The following CLVS2 variants were observed in gnomAD, a reference collection of about 807,000 sequenced individuals.
CLVS2 encodes the protein clavesin-2.
A neutral mutation model predicts 29.0 loss-of-function variants in CLVS2; 19 were observed. That is an observed-to-expected ratio of 0.66 (90% CI 0.46 to 0.96). The LOEUF (loss-of-function observed/expected upper bound fraction) is 0.96, where lower values mean the gene tolerates loss of function less well. Ranked by LOEUF, CLVS2 falls within the 40% of genes least tolerant of loss-of-function variation. CLVS2 has a pLI of 0.00. For missense variants in CLVS2, 294 were observed against 404.1 expected (o/e 0.73, Z 2.34); for synonymous variants, 161 against 151.3 (o/e 1.06, Z -0.47).
rs535537789 is a variant in CLVS2 at position 123,036,574 on chromosome 6, C to A, written c.565-12048C>A. On this transcript the variant is annotated intron_variant, in intron 3 of 5. Coordinates refer to ENST00000275162, the MANE Select transcript of CLVS2 (RefSeq NM_001010852.4). Reference sequence around the variant, plus strand: ...TTCTTGTTGTGTTAAATAAAACTAACAGGTAAGAGGAAGTAGATCCTCTTA... The same window carrying A: ...TTCTTGTTGTGTTAAATAAAACTAAAAGGTAAGAGGAAGTAGATCCTCTTA... Among the ~76,000 whole-genome samples, 68 of 152,228 alleles carry A rather than the reference C, an allele frequency of 4.5e-4. 1 individual carries two copies. The highest frequency in any genetic ancestry group is 4.4e-3 in the Admixed American group (67 of 15,270).
chr6:123,050,507 G>A (rs527863516), intron 4 of CLVS2, among the ~76,000 whole-genome samples: 14 of 152,182 alleles, frequency 9.2e-5, no homozygotes, highest in Non-Finnish European at 1.6e-4. Context: ...AGCCGGATAC[G>A]TGAATTTATG....
intron 3 of CLVS2, among the ~76,000 whole-genome samples, chr6:123,021,586 T>C (rs2114321690): frequency 6.6e-6 from 1 of 152,186 alleles, no homozygotes; most frequent in East Asian, 1.9e-4. Flanking sequence ...ACCATTGTAT[T>C]ATAGGTTTAT....
chr6:122,997,689 G>C lies in CLVS2; in HGVS notation c.-89G>C, dbSNP rs1774531042. On this transcript the variant is annotated 5_prime_UTR_variant, in exon 2 of 6. Coordinates refer to ENST00000275162, the MANE Select transcript of CLVS2 (RefSeq NM_001010852.4). The stretch of plus-strand genomic sequence containing the variant: ...AGGAAGCAGGCAGCAGGAGGTCTGG[G>C]GGCTGGAGTCTGGTGGTGGCAAGGA... The C allele has an allele frequency of 7.5e-7, 1 of 1,325,538 alleles. No homozygotes were observed. The allele number at this position is 1,325,538 out of a possible 1,614,324, so 82.1% of individuals were successfully genotyped here.
intron 3 of CLVS2, among the ~76,000 whole-genome samples, chr6:123,028,665 A>G (rs183036828): frequency 5.3e-5 from 8 of 152,290 alleles, no homozygotes; most frequent in Admixed American, 2.0e-4. Context: ...CCACTCTACT[A>G]AATGCAGTGT....
At chr6:123,000,324 A>C (rs1301147063) in intron 2 of CLVS2, among the ~76,000 whole-genome samples, 1 of 152,156 alleles carries the variant, frequency 6.6e-6, no homozygotes, top group Non-Finnish European at 1.5e-5. Context: ...AAAAAATAAT[A>C]ATTCCCTCTT....
intron 3 of CLVS2, among the ~76,000 whole-genome samples, 177 bp downstream of exon 3, chr6:123,011,336 G>A (rs1306024992): frequency 6.6e-6 from 1 of 151,988 alleles, no homozygotes; most frequent in African/African-American, 2.4e-5. Flanking sequence ...AAACGCTGAA[G>A]GAAGAGAGTT....
At chr6:123,040,823 A>G (rs1361347744) in intron 3 of CLVS2, among the ~76,000 whole-genome samples, 3 of 144,812 alleles carry the variant, frequency 2.1e-5, no homozygotes, top group Non-Finnish European at 3.0e-5. Context: ...ATTACAAGTG[A>G]TAATTAAGTG....
chr6:123,054,551 CTT>C (rs1772662411), intron 4 of CLVS2, among the ~76,000 whole-genome samples: 1 of 152,192 alleles, frequency 6.6e-6, no homozygotes, highest in African/African-American at 2.4e-5. Flanking sequence ...GTAGAGTAAT[CTT>C]TCTTTGTTTC....
rs1772914080 is a variant in CLVS2, at chr6:123,069,757, T to C, written c.*5996T>C. ...GGAGGATCGAGTAGAAAATATTTTC[T>C]ACTCGAAGAGGCCATGGGGAAGTGA... On this transcript the variant is annotated 3_prime_UTR_variant, in exon 6 of 6. Transcript: ENST00000275162. The C allele has an allele frequency of 6.6e-6, 1 of 151,836 alleles. No homozygotes were observed. Among genetic ancestry groups the C allele is most frequent in the Admixed American group, 6.6e-5 (1 of 15,204 alleles). The allele number at this position is 151,836 out of a possible 1,614,324, so 9.4% of individuals were successfully genotyped here.
chr6:123,011,099 T>A lies in CLVS2; in HGVS notation c.504T>A (p.Thr168=). Residue 168 remains threonine, a synonymous_variant, in exon 3 of 6, where the codon ACT becomes ACA. Transcript: ENST00000275162. ...FVLIIDWSNF[T]FKQASKLTPS... Reference sequence around the variant, plus strand: ...TGATCATAGACTGGAGTAACTTCACTTTCAAGCAAGCCTCTAAACTCACAC... The same window carrying A: ...TGATCATAGACTGGAGTAACTTCACATTCAAGCAAGCCTCTAAACTCACAC... 1 of 1,611,824 alleles carries A rather than the reference T, an allele frequency of 6.2e-7. No individual in the cohort carries two copies. Among genetic ancestry groups the A allele is most frequent in the South Asian group, 1.1e-5 (1 of 90,836 alleles).
chr6:123,025,939 T>C (rs940383372), intron 3 of CLVS2, among the ~76,000 whole-genome samples: 2 of 152,134 alleles, frequency 1.3e-5, no homozygotes, highest in South Asian at 4.1e-4. Flanking sequence ...ATCTGTTACC[T>C]AGGAAATGCC....
At chr6:123,038,415 G>A (rs1775184239) in intron 3 of CLVS2, among the ~76,000 whole-genome samples, 2 of 151,968 alleles carry the variant, frequency 1.3e-5, no homozygotes, top group Non-Finnish European at 2.9e-5. Context: ...TTTAATTAAT[G>A]CTTACAGTGC....
chr6:123,046,616 G>A (rs1011499974), intron 3 of CLVS2, among the ~76,000 whole-genome samples: 2 of 150,754 alleles, frequency 1.3e-5, no homozygotes, highest in African/African-American at 4.9e-5. Flanking sequence ...CCGAGATTGC[G>A]CCACTGCACT....
chr6:123,005,130 C>T (rs4243496), intron 2 of CLVS2, among the ~76,000 whole-genome samples: 110,606 of 151,416 alleles, frequency 0.73, 40,847 homozygotes, highest in East Asian at 0.91. Context: ...ACCCTCTGTC[C>T]TCATCTGTAA....
intron 4 of CLVS2, 103 bp from the exon 5 acceptor site, chr6:123,055,703 A>T (rs971058064): frequency 1.9e-5 from 15 of 795,080 alleles, no homozygotes; most frequent in Non-Finnish European, 2.8e-5. Context: ...GACATGCGAA[A>T]CTCATATTTG....
intron 4 of CLVS2, among the ~76,000 whole-genome samples, chr6:123,054,219 ATAACT>A (rs554968972): frequency 7.0e-4 from 106 of 152,372 alleles, no homozygotes; most frequent in African/African-American, 2.5e-3. Context: ...TGCATGTGCC[ATAACT>A]TAACTTTCAC....
rs900267120 is a variant in CLVS2, at chr6:123,048,487, T to C, written c.565-135T>C. 5.2e-6 allele frequency: 3 copies of C among 579,598 alleles called. No homozygotes were observed. In the Admixed American group the frequency reaches 9.9e-5, roughly 19 times the overall value. 35.9% of individuals were successfully genotyped at this position (579,598 alleles called of 1,614,324 possible). On this transcript the variant is annotated intron_variant, in intron 3 of 5. Transcript: ENST00000275162. ...AATGTTTAACGTGGTAAGGTTCTTC[T>C]TTTCTCTCCTTAACTCCACAGATAA...
rs533833440 is a variant in CLVS2, at chr6:123,025,216, G to C, written c.564+14057G>C. Among the ~76,000 whole-genome samples the C allele has an allele frequency of 2.0e-5, 3 of 152,146 alleles. No homozygotes were observed. The East Asian group carries it at 5.8e-4, about 30-fold the overall frequency. ...GAATTAAGCTGACATCAATATCCGG[G>C]GACCTGGAAAGCCGTTATTAAGCAC... On this transcript the variant is annotated intron_variant, in intron 3 of 5. Coordinates refer to ENST00000275162, the MANE Select transcript of CLVS2 (RefSeq NM_001010852.4).
intron 3 of CLVS2, among the ~76,000 whole-genome samples, chr6:123,039,306 C>A (rs1410134587): frequency 6.6e-6 from 1 of 152,096 alleles, no homozygotes; most frequent in Non-Finnish European, 1.5e-5. Flanking sequence ...ATAGTATGAC[C>A]TTTTTGCTGT....
Sources: gnomAD v4.1 joint callset for allele counts (sites outside exome capture counted in the v4.1 genomes callset) on GRCh38, gnomAD v4.1.1 for gene constraint, MANE v1.5 for transcripts, NCBI Gene and HGNC (gene_info 2026-07-23, HGNC 2026-07-21) for gene names.